ZNF385D: variants seen among roughly 807,000 people sequenced by gnomAD.
ZNF385D encodes the protein zinc finger protein 385D.
ZNF385D carries 15 observed loss-of-function variants against 35.8 expected under a neutral mutation model. The observed-to-expected ratio is 0.42, with a 90% CI of 0.28 to 0.64. The LOEUF is 0.64. Ranked by LOEUF, ZNF385D falls within the 30% of genes least tolerant of loss-of-function variation. The pLI is 0.23. For missense variants in ZNF385D, 474 were observed against 494.6 expected (o/e 0.96, Z 0.39); for synonymous variants, 212 against 186.8 (o/e 1.13, Z -1.10).
In ZNF385D at chr3:22,158,483, T is replaced by C. The variant is rs140200634; in HGVS notation, c.325+10334A>G. 3.5e-4 allele frequency among the ~76,000 whole-genome samples: 53 copies of C among 152,216 alleles called. 1 individual carries two copies. The East Asian group carries it at 9.7e-3, about 28-fold the overall frequency. ...TCTTAACAAGTTCACAGTGCTGCTA[T>C]ACATCTATTTGCTTTTATTTTCAAG... On this transcript the variant is annotated intron_variant, in intron 3 of 5. Transcript: ENST00000494108.
At chr3:21,993,055 G>T (rs1695238520) in intron 3 of ZNF385D, among the ~76,000 whole-genome samples, 1 of 152,114 alleles carries the variant, frequency 6.6e-6, no homozygotes, top group Non-Finnish European at 1.5e-5. Context: ...TCCTGAATCT[G>T]ATCTAAAAGT....
intron 3 of ZNF385D, among the ~76,000 whole-genome samples, chr3:21,866,662 A>AC (rs1163160214): frequency 6.6e-6 from 1 of 152,156 alleles, no homozygotes; most frequent in African/African-American, 2.4e-5. Flanking sequence ...TGCTGGTCCT[A>AC]CCACCACACT....
chr3:21,971,829 C>G (rs963946992), intron 3 of ZNF385D, among the ~76,000 whole-genome samples: 3 of 151,610 alleles, frequency 2.0e-5, no homozygotes, highest in African/African-American at 7.3e-5. Context: ...TTATATTAGA[C>G]AAAATAGATT....
At chr3:21,590,034 A>G (rs1259186200) in intron 2 of ZNF385D, among the ~76,000 whole-genome samples, 1 of 152,168 alleles carries the variant, frequency 6.6e-6, no homozygotes, top group African/African-American at 2.4e-5. Context: ...GCTGTGGACA[A>G]GTAGGCATGT....
intron 2 of ZNF385D, among the ~76,000 whole-genome samples, chr3:22,177,362 G>A (rs1004834139): frequency 6.6e-6 from 1 of 152,156 alleles, no homozygotes; most frequent in Non-Finnish European, 1.5e-5. Context: ...CTGAGTTAGA[G>A]AATGATTGTT....
chr3:21,798,680 C>T (rs10865773), intron 3 of ZNF385D, among the ~76,000 whole-genome samples: 26,259 of 152,028 alleles, frequency 0.17, 2,424 homozygotes, highest in Non-Finnish European at 0.19. Context: ...AGGGATGTGA[C>T]AGCTCATCAT....
intron 2 of ZNF385D, among the ~76,000 whole-genome samples, chr3:22,221,922 C>A (rs1280918081): frequency 6.6e-6 from 1 of 151,912 alleles, no homozygotes; most frequent in Non-Finnish European, 1.5e-5. Flanking sequence ...TACAGAGAAA[C>A]CATAGGTTTT....
chr3:21,547,921 C>A (rs1284243292), intron 3 of ZNF385D, among the ~76,000 whole-genome samples: 1 of 152,044 alleles, frequency 6.6e-6, no homozygotes, highest in East Asian at 1.9e-4. Context: ...ACACGTACTT[C>A]TTTAGATGGA....
chr3:21,769,566 A>G (rs2070986198), intron 3 of ZNF385D, among the ~76,000 whole-genome samples: 1 of 97,550 alleles, frequency 1.0e-5, no homozygotes. Flanking sequence ...ACTATAAACC[A>G]CTGCTCAAGG....
chr3:21,752,767 T>C (rs2070164062), upstream of ZNF385D, among the ~76,000 whole-genome samples: 1 of 152,226 alleles, frequency 6.6e-6, no homozygotes, highest in Admixed American at 6.5e-5. Flanking sequence ...TTTACTCCCT[T>C]TTAAAAATTA....
At chr3:22,312,715 C>T (rs529611118) in intron 2 of ZNF385D, among the ~76,000 whole-genome samples, 6 of 150,796 alleles carry the variant, frequency 4.0e-5, no homozygotes, top group African/African-American at 1.2e-4. Flanking sequence ...CCACCTCACA[C>T]CAGTTAGAAT....
intron 2 of ZNF385D, among the ~76,000 whole-genome samples, chr3:22,281,163 T>A (rs1345706132): frequency 3.3e-5 from 5 of 152,026 alleles, no homozygotes; most frequent in African/African-American, 1.2e-4. Context: ...TCTAGGTATA[T>A]GATCCTGTCA....
intron 2 of ZNF385D, among the ~76,000 whole-genome samples, chr3:21,641,689 T>A (rs1043197138): frequency 2.0e-5 from 3 of 150,672 alleles, no homozygotes; most frequent in Admixed American, 6.6e-5. Flanking sequence ...TTGCCCAGAT[T>A]GATCTTGAAC....
At position 21,663,915 on chromosome 3, in the gene ZNF385D, A is replaced by ATTTATT. The variant is rs1553633458; in HGVS notation, c.165+970_165+971insAATAAA. ...AATATATATATATATATATATATAT[A>ATTTATT]TATTTATTTATTTAAATCCATCATG... is the stretch of plus-strand genomic sequence containing the variant. On this transcript the variant is annotated intron_variant, in intron 2 of 7. Transcript: ENST00000281523. 1.9e-4 allele frequency among the ~76,000 whole-genome samples: 20 copies of ATTTATT among 105,882 alleles called. 2 individuals carry two copies. The highest frequency in any genetic ancestry group is 7.0e-4 in the Admixed American group (7 of 9,968). 69.5% of individuals were successfully genotyped at this position (105,882 alleles called of 152,430 possible).
intron 1 of ZNF385D, among the ~76,000 whole-genome samples, chr3:21,743,966 C>G (rs1256371829): frequency 6.6e-6 from 1 of 152,188 alleles, no homozygotes; most frequent in African/African-American, 2.4e-5. Flanking sequence ...ACTCATTTCT[C>G]AAGCTATTGG....
At chr3:21,892,053 G>C (rs1439525686) in intron 3 of ZNF385D, among the ~76,000 whole-genome samples, 9 of 152,120 alleles carry the variant, frequency 5.9e-5, no homozygotes, top group Non-Finnish European at 1.2e-4. Flanking sequence ...TATGATATTG[G>C]TTTGTTTCGA....
chr3:21,460,490 A>G (rs182204267), intron 4 of ZNF385D, among the ~76,000 whole-genome samples: 1 of 151,932 alleles, frequency 6.6e-6, no homozygotes, highest in African/African-American at 2.4e-5. Context: ...GTGTACATCA[A>G]TAGGAACAAA....
At chr3:22,228,930 G>A (rs1325004449) in intron 2 of ZNF385D, among the ~76,000 whole-genome samples, 1 of 152,216 alleles carries the variant, frequency 6.6e-6, no homozygotes, top group Non-Finnish European at 1.5e-5. Flanking sequence ...TTGCCCAGGA[G>A]CTCTTAGGCC....
chr3:21,858,123 C>T (rs934641828), intron 3 of ZNF385D, among the ~76,000 whole-genome samples: 4 of 143,650 alleles, frequency 2.8e-5, no homozygotes, highest in Admixed American at 1.4e-4. Context: ...GATGGTGCTA[C>T]TGCACTCATG....
Sources: gnomAD v4.1 joint callset for allele counts (sites outside exome capture counted in the v4.1 genomes callset) on GRCh38, gnomAD v4.1.1 for gene constraint, MANE v1.5 for transcripts, NCBI Gene and HGNC (gene_info 2026-07-23, HGNC 2026-07-21) for gene names.